Variants in NEGR1 observed in about 807,000 individuals in gnomAD.
The protein encoded by NEGR1 is neuronal growth regulator 1.
In NEGR1, 10 loss-of-function variants were observed where a neutral mutation model predicts 40.9. The ratio of observed to expected loss-of-function variants is 0.24; its 90% CI spans 0.15 to 0.42. The LOEUF (loss-of-function observed/expected upper bound fraction) is 0.42, where lower values mean the gene tolerates loss of function less well. NEGR1 is among the 10% of genes least tolerant of loss of function. NEGR1 has a pLI of 1.00. For synonymous variants in NEGR1, 185 were observed against 166.8 expected (o/e 1.11, Z -0.84); for missense variants, 352 against 438.9 (o/e 0.80, Z 1.77).
chr1:71,452,122 C>T (rs564187996), intron 6 of NEGR1, among the ~76,000 whole-genome samples: 21 of 152,088 alleles, frequency 1.4e-4, no homozygotes, highest in Non-Finnish European at 2.9e-4. Context: ...ATTTGTAAAC[C>T]CCCCAACACA....
At chr1:71,828,101 G>T (rs1268044705) in intron 2 of NEGR1, among the ~76,000 whole-genome samples, 2 of 151,884 alleles carry the variant, frequency 1.3e-5, no homozygotes, top group African/African-American at 4.8e-5. Context: ...TGAAATAACT[G>T]CTATAGTAGA....
intron 1 of NEGR1, among the ~76,000 whole-genome samples, chr1:72,065,109 T>C (rs990592829): frequency 6.6e-6 from 1 of 152,084 alleles, no homozygotes; most frequent in African/African-American, 2.4e-5. Flanking sequence ...TTCATACACA[T>C]ACATAGTAAA....
chr1:72,102,242 ATAAAT>A (rs1648975301), intron 1 of NEGR1, among the ~76,000 whole-genome samples: 1 of 152,104 alleles, frequency 6.6e-6, no homozygotes, highest in Non-Finnish European at 1.5e-5. Flanking sequence ...ATGTTGCATG[ATAAAT>A]TAAATGATAT....
At chr1:71,914,647 A>G (rs1238005394) in intron 2 of NEGR1, among the ~76,000 whole-genome samples, 1 of 152,174 alleles carries the variant, frequency 6.6e-6, no homozygotes, top group Non-Finnish European at 1.5e-5. Context: ...CAAAGCATCC[A>G]CATACTACAG....
chr1:72,144,702 G>C (rs1650843046), intron 1 of NEGR1, among the ~76,000 whole-genome samples: 1 of 151,982 alleles, frequency 6.6e-6, no homozygotes, highest in South Asian at 2.1e-4. Flanking sequence ...CCAAATTTCA[G>C]AGACAAGAAA....
At chr1:71,490,119 T>C (rs1048589339) in intron 6 of NEGR1, 25 of 152,124 alleles carry the variant, frequency 1.6e-4, no homozygotes, top group East Asian at 9.7e-4. Flanking sequence ...ATGATGTCTA[T>C]AGAAGACATT....
intron 4 of NEGR1, among the ~76,000 whole-genome samples, chr1:71,633,138 TCA>T (rs1651032703): frequency 6.6e-6 from 1 of 152,094 alleles, no homozygotes; most frequent in Admixed American, 6.6e-5. Context: ...TGTAACACTC[TCA>T]GTTTTTAGTC....
chr1:71,783,943 AAG>A (rs1201543816), intron 2 of NEGR1, among the ~76,000 whole-genome samples: 1 of 152,092 alleles, frequency 6.6e-6, no homozygotes, highest in African/African-American at 2.4e-5. Context: ...AAGAGTTAGA[AAG>A]ATACAACATT....
intron 3 of NEGR1, among the ~76,000 whole-genome samples, chr1:71,732,185 A>G (rs1406283934): frequency 6.6e-6 from 1 of 152,080 alleles, no homozygotes; most frequent in Non-Finnish European, 1.5e-5. Context: ...GCACACGCCT[A>G]TAGTCGCAGC....
chr1:71,593,692 C>T (rs1043159274), intron 5 of NEGR1, among the ~76,000 whole-genome samples: 2 of 152,204 alleles, frequency 1.3e-5, no homozygotes, highest in African/African-American at 4.8e-5. Context: ...GAGGCCCTCA[C>T]TCTGAAATAG....
At chr1:71,637,241 T>C (rs2101570055) in intron 4 of NEGR1, among the ~76,000 whole-genome samples, 1 of 152,170 alleles carries the variant, frequency 6.6e-6, no homozygotes, top group South Asian at 2.1e-4. Flanking sequence ...TATTTTCAAG[T>C]TCCATGTTTA....
At chr1:71,432,897 T>C (rs1473677908) in intron 6 of NEGR1, among the ~76,000 whole-genome samples, 1 of 152,192 alleles carries the variant, frequency 6.6e-6, no homozygotes, top group African/African-American at 2.4e-5. Context: ...GCTTAATAGA[T>C]TTGTATGTCT....
At chr1:71,928,435 T>TGTGTATATATATATAC (rs1557439281) in intron 2 of NEGR1, among the ~76,000 whole-genome samples, 1 of 80,118 alleles carries the variant, frequency 1.2e-5, no homozygotes, top group Non-Finnish European at 2.5e-5. Context: ...TATGTATATA[T>TGTGTATATATATATAC]ACACATATAT....
chr1:71,474,736 A>C (rs1174332748), intron 6 of NEGR1, among the ~76,000 whole-genome samples: 3 of 147,976 alleles, frequency 2.0e-5, no homozygotes, highest in Admixed American at 1.4e-4. Flanking sequence ...AAAAAAAAAA[A>C]AACAAAAAAA....
Position 71,848,837 on chromosome 1 carries a change from C to T in NEGR1, c.410-72540G>A, listed in dbSNP as rs192698155. Among the ~76,000 whole-genome samples the T allele has an allele frequency of 1.2e-3, 180 of 152,244 alleles. 2 individuals carry two copies. Among genetic ancestry groups the T allele is most frequent in the Admixed American group, 0.011 (170 of 15,292 alleles). ...GTGCAGTGGCTCACGCCTGTAATCC[C>T]AGCACTTTGGGAGGCCGAGGCGGGT... On this transcript the variant is annotated intron_variant, in intron 2 of 6. Transcript: ENST00000357731.
intron 4 of NEGR1, among the ~76,000 whole-genome samples, chr1:71,650,189 A>C (rs1273682858): frequency 6.6e-6 from 1 of 152,110 alleles, no homozygotes; most frequent in Non-Finnish European, 1.5e-5. Flanking sequence ...GAGGTGGAAA[A>C]ATTCGAAACG....
intron 6 of NEGR1, among the ~76,000 whole-genome samples, chr1:71,533,115 C>A (rs969345901): frequency 4.0e-5 from 6 of 151,464 alleles, no homozygotes; most frequent in Non-Finnish European, 7.4e-5. Context: ...GATATTAGGC[C>A]ATCTTTCATT....
rs371833494 is a variant in NEGR1, at chr1:72,209,321, T to A, written c.176+72998A>T. 4.6e-5 allele frequency among the ~76,000 whole-genome samples: 7 copies of A among 151,732 alleles called. No individual in the cohort carries two copies. In the East Asian group the frequency reaches 7.7e-4, roughly 17 times the overall value. On this transcript the variant is annotated intron_variant, in intron 1 of 6. Transcript: ENST00000357731. ...TTATCTCCCAAATATTTATCATATC[T>A]TTCAGATCTTTGTCATATCTCCTTG...
intron 1 of NEGR1, among the ~76,000 whole-genome samples, chr1:72,005,926 C>G (rs575497302): frequency 1.3e-5 from 2 of 152,008 alleles, no homozygotes; most frequent in African/African-American, 2.4e-5. Flanking sequence ...TTTCATCTGG[C>G]CAACCTTTTC....
Sources: gnomAD v4.1 joint callset for allele counts (sites outside exome capture counted in the v4.1 genomes callset) on GRCh38, gnomAD v4.1.1 for gene constraint, MANE v1.5 for transcripts, NCBI Gene and HGNC (gene_info 2026-07-23, HGNC 2026-07-21) for gene names.